Variants in CDH4 observed in about 807,000 individuals in gnomAD.
The protein encoded by CDH4 is cadherin 4.
CDH4 carries 33 observed loss-of-function variants against 86.0 expected under a neutral mutation model. The observed-to-expected ratio is 0.38, with a 90% CI of 0.29 to 0.51. CDH4 has a LOEUF of 0.51. Ranked by LOEUF, CDH4 falls within the 20% of genes least tolerant of loss-of-function variation. The pLI is 0.86. For synonymous variants in CDH4, 555 were observed against 549.4 expected (o/e 1.01, Z -0.14); for missense variants, 1,114 against 1,307.4 (o/e 0.85, Z 2.28).
At chr20:61,772,799 A>G (rs1600971793) in intron 3 of CDH4, among the ~76,000 whole-genome samples, 1 of 151,254 alleles carries the variant, frequency 6.6e-6, no homozygotes. Context: ...CATCATATTG[A>G]TGGGGGTCTC....
chr20:61,272,566 C>T (rs1258741452), intron 2 of CDH4, among the ~76,000 whole-genome samples: 2 of 152,198 alleles, frequency 1.3e-5, no homozygotes, highest in Admixed American at 6.5e-5. Flanking sequence ...TGGAAAATGG[C>T]ACCATCAATG....
chr20:61,631,376 C>T (rs1011083643), intron 2 of CDH4, among the ~76,000 whole-genome samples: 1 of 152,202 alleles, frequency 6.6e-6, no homozygotes, highest in Admixed American at 6.5e-5. Context: ...GGTGCAGTGG[C>T]TCACATCTGT....
intron 2 of CDH4, among the ~76,000 whole-genome samples, chr20:61,735,016 C>G (rs967441250): frequency 6.6e-6 from 1 of 152,186 alleles, no homozygotes; most frequent in Non-Finnish European, 1.5e-5. Context: ...GTGGCCCCTC[C>G]CGGCAAGCAC....
chr20:61,866,459 G>C (rs1825551794), intron 6 of CDH4, among the ~76,000 whole-genome samples: 1 of 152,214 alleles, frequency 6.6e-6, no homozygotes, highest in Non-Finnish European at 1.5e-5. Flanking sequence ...GAAGGGGCCA[G>C]CTGCCCTCTG....
chr20:61,708,018 A>G lies in CDH4; in HGVS notation c.170-35545A>G, dbSNP rs2087850753. The stretch of plus-strand genomic sequence containing the variant: ...TGGAGGGAGAGACAGTGGAGTTTGC[A>G]TCCACCAGTGCTGAGGAGAGGAGGC... On this transcript the variant is annotated intron_variant, in intron 2 of 15. Coordinates refer to ENST00000614565, the MANE Select transcript of CDH4 (RefSeq NM_001794.5). This position sits in a 1 kb window ranked among gnomAD's most constrained non-coding sequence, Gnocchi z 4.5. Among the ~76,000 whole-genome samples the G allele has an allele frequency of 6.6e-6, 1 of 152,152 alleles. No individual in the cohort carries two copies. Among genetic ancestry groups the G allele is most frequent in the South Asian group, 2.1e-4 (1 of 4,830 alleles).
chr20:61,340,003 G>A (rs2084641527), intron 2 of CDH4, among the ~76,000 whole-genome samples: 1 of 152,218 alleles, frequency 6.6e-6, no homozygotes, highest in Admixed American at 6.5e-5. Context: ...GTATTACTGA[G>A]TTTAAGATGA....
intron 4 of CDH4, among the ~76,000 whole-genome samples, chr20:61,797,373 G>A (rs1405399789): frequency 1.3e-5 from 2 of 152,224 alleles, no homozygotes; most frequent in Non-Finnish European, 2.9e-5. Flanking sequence ...TGCACAGCGG[G>A]GAGGTAAGCG....
chr20:61,312,603 T>C (rs2084453134), intron 2 of CDH4, among the ~76,000 whole-genome samples: 1 of 151,870 alleles, frequency 6.6e-6, no homozygotes, highest in Non-Finnish European at 1.5e-5. Context: ...CAGCTGGGAG[T>C]GACTTTCTCG....
intron 2 of CDH4, among the ~76,000 whole-genome samples, chr20:61,671,677 G>A (rs1162642887): frequency 1.3e-5 from 2 of 151,488 alleles, no homozygotes; most frequent in African/African-American, 4.8e-5. Context: ...GATGGATGGT[G>A]GATGGATGGG....
chr20:61,556,798 C>T (rs1371162017), intron 2 of CDH4, among the ~76,000 whole-genome samples: 1 of 152,168 alleles, frequency 6.6e-6, no homozygotes, highest in Admixed American at 6.5e-5. Context: ...GTCCTCTGCA[C>T]AGCTGCTGTC....
chr20:61,668,335 G>A (rs1185112043), intron 2 of CDH4, among the ~76,000 whole-genome samples: 4 of 152,200 alleles, frequency 2.6e-5, no homozygotes, highest in Non-Finnish European at 5.9e-5. Flanking sequence ...GGGGAATTTA[G>A]CCCAGGCTGC....
chr20:61,803,888 G>A (rs1379319535), intron 4 of CDH4, among the ~76,000 whole-genome samples: 3 of 152,280 alleles, frequency 2.0e-5, no homozygotes, highest in Non-Finnish European at 2.9e-5. Flanking sequence ...CTCCATCGCT[G>A]CAGAGCGTGA....
At chr20:61,930,110 A>G (rs2055090003) in intron 13 of CDH4, among the ~76,000 whole-genome samples, 1 of 152,192 alleles carries the variant, frequency 6.6e-6, no homozygotes, top group Non-Finnish European at 1.5e-5. Context: ...TCTGCCTCCC[A>G]GAGCCCCTGT....
chr20:61,883,763 G>A (rs1373636119), intron 7 of CDH4, among the ~76,000 whole-genome samples: 1 of 151,972 alleles, frequency 6.6e-6, no homozygotes, highest in Non-Finnish European at 1.5e-5. Context: ...TGGACTGACG[G>A]GACCTCCCCT....
intron 2 of CDH4, among the ~76,000 whole-genome samples, chr20:61,640,565 A>T (rs536920093): frequency 6.6e-6 from 1 of 152,310 alleles, no homozygotes; most frequent in Admixed American, 6.5e-5. Flanking sequence ...TGCCACCATG[A>T]TGAGACAGGT....
intron 4 of CDH4, among the ~76,000 whole-genome samples, chr20:61,776,692 G>A (rs995460745): frequency 1.3e-5 from 2 of 152,206 alleles, no homozygotes; most frequent in Non-Finnish European, 2.9e-5. Context: ...AACCTAAGTC[G>A]ATTTCTTGCT....
At chr20:61,610,512 T>A (rs1466197712) in intron 2 of CDH4, among the ~76,000 whole-genome samples, 3 of 152,082 alleles carry the variant, frequency 2.0e-5, no homozygotes, top group African/African-American at 7.2e-5. Context: ...TTAGGATGAG[T>A]GCCCAGCAGT....
At chr20:61,735,998 G>A (rs554880224) in intron 2 of CDH4, among the ~76,000 whole-genome samples, 8 of 152,268 alleles carry the variant, frequency 5.3e-5, no homozygotes, top group Admixed American at 2.0e-4. Context: ...CCCTAAAGGG[G>A]GTGTCTGGGT....
intron 2 of CDH4, among the ~76,000 whole-genome samples, chr20:61,280,812 C>T (rs187492262): frequency 3.9e-5 from 6 of 152,244 alleles, no homozygotes; most frequent in Admixed American, 6.5e-5. Flanking sequence ...TGGGGGGTTT[C>T]GATGCTCTTG....
Sources: gnomAD v4.1 joint callset for allele counts (sites outside exome capture counted in the v4.1 genomes callset) on GRCh38, gnomAD v4.1.1 for gene constraint, Gnocchi (gnomAD v3.1) non-coding constraint, MANE v1.5 for transcripts, NCBI Gene and HGNC (gene_info 2026-07-23, HGNC 2026-07-21) for gene names.